The following POC1B variants were observed in gnomAD, a reference collection of about 807,000 sequenced individuals.
POC1B encodes the protein POC1 centriolar protein homolog B.
A neutral mutation model predicts 60.6 loss-of-function variants in POC1B; 44 were observed. The observed-to-expected ratio is 0.73, with a 90% CI of 0.57 to 0.93. The LOEUF (loss-of-function observed/expected upper bound fraction) is 0.93, where lower values mean the gene tolerates loss of function less well. Among genes scored for constraint, POC1B ranks in the 40% least tolerant of loss-of-function variants. The pLI is 0.00. For synonymous variants in POC1B, 180 were observed against 198.9 expected, an observed-to-expected ratio of 0.90 and a Z score of 0.80; for missense variants, 555 against 572.3, an observed-to-expected ratio of 0.97 and a Z score of 0.31.
chr12:89,521,880 T>C, intron 2 of POC1B: 2 of 397,932 alleles, frequency 5.0e-6, no homozygotes, highest in East Asian at 7.1e-5. Context: ...TGGTAGAACC[T>C]AGCCCACTTT....
the POC1B span, among the ~76,000 whole-genome samples, chr12:89,412,807 G>GTGCCTTCC: frequency 7.8e-6 from 1 of 127,486 alleles, no homozygotes; most frequent in Non-Finnish European, 1.6e-5. Context: ...AGAAACACAT[G>GTGCCTTCC]TTCCTTCCTT....
At chr12:89,524,670 T>C (rs1211173268) in intron 2 of POC1B, 4 of 1,060,960 alleles carry the variant, frequency 3.8e-6, no homozygotes, top group South Asian at 1.6e-5. Flanking sequence ...ATGCAGGCGC[T>C]AGGCTCCTTT....
intron 10 of POC1B, chr12:89,427,172 G>A (rs1362082894): frequency 2.6e-5 from 4 of 152,182 alleles, no homozygotes; most frequent in African/African-American, 9.7e-5. Context: ...AATTAAGACA[G>A]TGTGGCACTG....
chr12:89,411,743 G>C, the POC1B span, among the ~76,000 whole-genome samples: 1 of 152,156 alleles, frequency 6.6e-6, no homozygotes, highest in Non-Finnish European at 1.5e-5. Flanking sequence ...CCAGTTGTGA[G>C]ACTCTCCAAC....
intron 2 of POC1B, chr12:89,502,436 A>G: frequency 7.6e-7 from 1 of 1,309,678 alleles, no homozygotes; most frequent in Non-Finnish European, 1.1e-6. Context: ...TCTCCAGGCA[A>G]AATATCGTCT....
Position 89,455,999 on chromosome 12 carries a change from A to G in POC1B, c.1113+3639T>C, listed in dbSNP as rs922651544. Among the ~76,000 whole-genome samples, 5 of 143,582 alleles carry G rather than the reference A, an allele frequency of 3.5e-5. No homozygotes were observed. In the East Asian group the frequency reaches 8.6e-4, roughly 25 times the overall value. 94.2% of individuals were successfully genotyped at this position (143,582 alleles called of 152,430 possible). The stretch of plus-strand genomic sequence containing the variant: ...AAATTTTATTTACAGTTAGTTTAAA[A>G]CTCTTTTTTGTTGTTGTTGTTGTTG... On this transcript the variant is annotated intron_variant, in intron 10 of 11. Transcript: ENST00000313546.
chr12:89,509,553 AC>A lies in POC1B; in HGVS notation c.101-12212del, dbSNP rs141950022. ...TCAGTGAACAGAGCTAAGGAGTAAG[AC>A]AGAAATCTCAACGGGCAGAACTAAG... is the stretch of plus-strand genomic sequence containing the variant. On this transcript the variant is annotated intron_variant, in intron 2 of 11. Coordinates refer to ENST00000313546, the MANE Select transcript of POC1B (RefSeq NM_172240.3). 5.1e-3 allele frequency among the ~76,000 whole-genome samples: 779 copies of A among 152,310 alleles called. 9 individuals are homozygous for A. Among genetic ancestry groups the A allele is most frequent in the African/African-American group, 0.018 (730 of 41,550 alleles).
chr12:89,459,622 A>C lies in POC1B; in HGVS notation c.1113+16T>G, dbSNP rs761382864. The C allele has an allele frequency of 3.5e-5, 49 of 1,388,642 alleles. No individual in the cohort carries two copies. In the Admixed American group the frequency reaches 9.6e-4, roughly 27 times the overall value. 86.0% of individuals were successfully genotyped at this position (1,388,642 alleles called of 1,614,324 possible). A position where few individuals can be genotyped will look rare whatever the true frequency, so the allele number is the denominator to read the frequency against. On this transcript the variant is annotated intron_variant, in intron 10 of 11. Coordinates refer to ENST00000313546, the MANE Select transcript of POC1B (RefSeq NM_172240.3). ...GCCACTTAAGTGTCAAAAAAAAAAAAAAAAACCCGACTTACTGTGGTAGAA... is the reference window on the plus strand; with the variant it reads ...GCCACTTAAGTGTCAAAAAAAAAAACAAAAACCCGACTTACTGTGGTAGAA...
At chr12:89,524,065 G>T in intron 2 of POC1B, 1 of 1,613,792 alleles carries the variant, frequency 6.2e-7, no homozygotes, top group Non-Finnish European at 8.5e-7. Flanking sequence ...AACTGCAGGA[G>T]AAGTTTCTAA....
chr12:89,510,556 G>A (rs866793560), intron 2 of POC1B, among the ~76,000 whole-genome samples: 1 of 152,192 alleles, frequency 6.6e-6, no homozygotes. Context: ...CAGGAAGAAA[G>A]CCAAGGAGAT....
intron 4 of POC1B, among the ~76,000 whole-genome samples, chr12:89,490,814 T>C (rs935581667): frequency 3.9e-5 from 6 of 152,206 alleles, no homozygotes; most frequent in African/African-American, 1.4e-4. Flanking sequence ...CTGACTTTGC[T>C]GCGTCAAATC....
chr12:89,483,540 C>T (rs1365344200), intron 4 of POC1B, among the ~76,000 whole-genome samples: 1 of 152,070 alleles, frequency 6.6e-6, no homozygotes, highest in Admixed American at 6.5e-5. Context: ...GGGCATAAAT[C>T]CCATTCATGA....
At chr12:89,422,678 G>T (rs1017782623) in intron 11 of POC1B, among the ~76,000 whole-genome samples, 1 of 152,180 alleles carries the variant, frequency 6.6e-6, no homozygotes, top group Non-Finnish European at 1.5e-5. Context: ...TGCAAATGAT[G>T]ATATTCTAAT....
chr12:89,500,617 A>T (rs1869509528), intron 2 of POC1B: 1 of 1,592,128 alleles, frequency 6.3e-7, no homozygotes, highest in African/African-American at 1.3e-5. Context: ...ATGTTATTCC[A>T]TCTAGTGCCC....
chr12:89,404,646 C>T, the POC1B span, among the ~76,000 whole-genome samples: 101 of 152,266 alleles, frequency 6.6e-4, 1 homozygote, highest in Admixed American at 1.3e-3. Context: ...CTCAGTTAGA[C>T]CCAGCTACAA....
Position 89,497,302 on chromosome 12 carries a change from G to C in POC1B, c.141C>G (p.Phe47Leu). 6.2e-7 allele frequency: 1 copy of C among 1,612,888 alleles called. No homozygotes were observed. Among genetic ancestry groups the C allele is most frequent in the Non-Finnish European group, 8.5e-7 (1 of 1,179,952 alleles). ...ATCTGTAAGCTCTAGCATGTGGCTT[G>C]AAATTCCATAGCATGAGAAAGGTAT... ...SWDTFLMLWN[F>L]KPHARAYRYV... Residue 47 changes from phenylalanine (F) to leucine (L), a missense_variant, in exon 3 of 12, where the codon TTC becomes TTG. By Grantham distance (22) the Phe-to-Leu change is conservative. Coordinates refer to ENST00000313546, the MANE Select transcript of POC1B (RefSeq NM_172240.3).
chr12:89,440,327 G>A (rs1280694191), intron 10 of POC1B, among the ~76,000 whole-genome samples: 3 of 152,152 alleles, frequency 2.0e-5, no homozygotes, highest in Admixed American at 6.6e-5. Context: ...ACTCTAACAA[G>A]CTAGTTGGCC....
intron 2 of POC1B, among the ~76,000 whole-genome samples, chr12:89,503,429 G>A (rs568860197): frequency 6.8e-6 from 1 of 147,322 alleles, no homozygotes; most frequent in Non-Finnish European, 1.5e-5. Flanking sequence ...CAATGTTGCC[G>A]AGGCTGGAGT....
In POC1B at chr12:89,471,734, G is replaced by A. The variant is rs763539925; in HGVS notation, c.561-5C>T. The A allele has an allele frequency of 1.3e-6, 2 of 1,511,082 alleles. No homozygotes were observed. The highest frequency in any genetic ancestry group is 4.7e-5 in the East Asian group (2 of 43,006). 93.6% of individuals were successfully genotyped at this position (1,511,082 alleles called of 1,614,324 possible). A position where few individuals can be genotyped will look rare whatever the true frequency, so the allele number is the denominator to read the frequency against. On this transcript the variant is annotated splice_region_variant and splice_polypyrimidine_tract_variant and intron_variant, in intron 5 of 11. Transcript: ENST00000313546. ...AAGTCCACAAAATTTGCAAATCTAGGAGGAAAGAATAAGATGACCTAATAT... is the reference window on the plus strand; with the variant it reads ...AAGTCCACAAAATTTGCAAATCTAGAAGGAAAGAATAAGATGACCTAATAT...
Sources: gnomAD v4.1 joint callset for allele counts (sites outside exome capture counted in the v4.1 genomes callset) on GRCh38, gnomAD v4.1.1 for gene constraint, MANE v1.5 for transcripts, NCBI Gene and HGNC (gene_info 2026-07-23, HGNC 2026-07-21) for gene names.